PCDHA4: variants seen among roughly 807,000 people sequenced by gnomAD.
PCDHA4 encodes the protein protocadherin alpha 4, also known as protocadherin alpha-4.
Under a neutral mutation model 61.4 loss-of-function variants are expected in PCDHA4, and 49 were observed. The observed-to-expected ratio is 0.80, with a 90% CI of 0.63 to 1.01. The LOEUF is 1.01. Ranked by LOEUF, PCDHA4 falls within the 50% of genes least tolerant of loss-of-function variation. The probability of loss-of-function intolerance (pLI) is 0.00; values close to 1 mark genes in which losing one functional copy is unlikely to be tolerated. For synonymous variants in PCDHA4, 590 were observed against 550.3 expected (o/e 1.07, Z -1.01); for missense variants, 1,254 against 1,235.8 (o/e 1.01, Z -0.22).
Position 141,000,395 on chromosome 5 carries a change from C to CTA in PCDHA4, c.2534-9206_2534-9205dup, listed in dbSNP as rs1190667031. 1.6e-3 allele frequency among the ~76,000 whole-genome samples: 89 copies of CTA among 53,960 alleles called. 3 individuals carry two copies. Among genetic ancestry groups the CTA allele is most frequent in the Non-Finnish European group, 2.3e-3 (71 of 31,108 alleles). 35.4% of individuals were successfully genotyped at this position (53,960 alleles called of 152,430 possible). A position where few individuals can be genotyped will look rare whatever the true frequency, so the allele number is the denominator to read the frequency against. ...TCTCTCTCTCTCTCTCTCTCTCTCT[C>CTA]TATATATATATATATATATATATAT... On this transcript the variant is annotated intron_variant, in intron 3 of 3. Coordinates refer to ENST00000530339, the MANE Select transcript of PCDHA4 (RefSeq NM_018907.4).
Position 140,852,587 on chromosome 5 carries a change from T to TTA in PCDHA4, c.2385+43016_2385+43017insAT, listed in dbSNP as rs201827177. On this transcript the variant is annotated intron_variant, in intron 1 of 3. Coordinates refer to ENST00000530339, the MANE Select transcript of PCDHA4 (RefSeq NM_018907.4). ...CACTGTGCCAAGGCTTTTTTATTTTTTTTTTTTGTCATTTTCTTTCAAAAC... is the reference window on the plus strand; with the variant it reads ...CACTGTGCCAAGGCTTTTTTATTTTTTATTTTTTTGTCATTTTCTTTCAAAAC... The TTA allele has an allele frequency of 1.9e-3, 1,677 of 881,866 alleles. 105 individuals carry two copies. The African/African-American group carries it at 0.023, about 12-fold the overall frequency. 54.6% of individuals were successfully genotyped at this position (881,866 alleles called of 1,614,324 possible). A position where few individuals can be genotyped will look rare whatever the true frequency, so the allele number is the denominator to read the frequency against.
At chr5:140,884,501 G>T (rs2060219226) in intron 1 of PCDHA4, 2 of 1,614,146 alleles carry the variant, frequency 1.2e-6, no homozygotes, top group Non-Finnish European at 1.7e-6. Context: ...CTCCAGCGCG[G>T]CAGGGAGTTG....
chr5:140,981,687 A>T (rs1283182396), intron 2 of PCDHA4, among the ~76,000 whole-genome samples: 1 of 151,972 alleles, frequency 6.6e-6, no homozygotes, highest in Non-Finnish European at 1.5e-5. Flanking sequence ...CCTCCCTTCC[A>T]TCATTCATTC....
chr5:140,944,364 T>G (rs1264806074), intron 1 of PCDHA4, among the ~76,000 whole-genome samples: 1 of 152,072 alleles, frequency 6.6e-6, no homozygotes, highest in Non-Finnish European at 1.5e-5. Flanking sequence ...ATTTTTAATT[T>G]TTTATAGAGA....
rs538677309 is a variant in PCDHA4, at chr5:140,927,177, G to T, written c.2386-51772G>T. ...GCAGGGCCAAAGCTGCCTGCGTCTT[G>T]ACCTACGACCTGGTGCTCGAGGACC... On this transcript the variant is annotated intron_variant, in intron 1 of 3. Coordinates refer to ENST00000530339, the MANE Select transcript of PCDHA4 (RefSeq NM_018907.4). 78 of 1,614,148 alleles carry T rather than the reference G, an allele frequency of 4.8e-5. 3 individuals carry two copies. In the East Asian group the frequency reaches 6.7e-4, roughly 14 times the overall value.
chr5:140,921,732 A>G lies in PCDHA4; in HGVS notation c.2386-57217A>G, dbSNP rs1345229893. 2.0e-5 allele frequency among the ~76,000 whole-genome samples: 3 copies of G among 152,206 alleles called. No individual in the cohort carries two copies. In the East Asian group the frequency reaches 5.8e-4, roughly 29 times the overall value. ...AAACACACGAATTACTCCCATAAAA[A>G]TTATAAGCATAACAGGACACTTCTT... is the stretch of plus-strand genomic sequence containing the variant. On this transcript the variant is annotated intron_variant, in intron 1 of 3. Coordinates refer to ENST00000530339, the MANE Select transcript of PCDHA4 (RefSeq NM_018907.4).
At chr5:140,984,052 A>G (rs2097083396) in intron 3 of PCDHA4, among the ~76,000 whole-genome samples, 2 of 152,204 alleles carry the variant, frequency 1.3e-5, no homozygotes, top group African/African-American at 4.8e-5. Context: ...TCATTGACAA[A>G]TCTGTACCCT....
chr5:140,872,711 G>A (rs968537483), intron 1 of PCDHA4, among the ~76,000 whole-genome samples: 1 of 152,206 alleles, frequency 6.6e-6, no homozygotes, highest in South Asian at 2.1e-4. Context: ...AAGGAAACTA[G>A]GTAAATAAAA....
intron 1 of PCDHA4, among the ~76,000 whole-genome samples, chr5:140,894,069 T>C (rs1209752630): frequency 2.6e-5 from 4 of 152,196 alleles, no homozygotes; most frequent in African/African-American, 9.6e-5. Flanking sequence ...TTTAAATACA[T>C]TTATTTTATT....
In PCDHA4 at chr5:141,010,735, T is replaced by G. The variant is rs192374006; in HGVS notation, c.*798T>G. On this transcript the variant is annotated 3_prime_UTR_variant, in exon 4 of 4. Coordinates refer to ENST00000530339, the MANE Select transcript of PCDHA4 (RefSeq NM_018907.4). ...GTGCTCACTTTATTAAAAATTCTTT[T>G]GCACACAATGTTTATGAAAAGGCCA... The G allele has an allele frequency of 6.5e-6, 1 of 154,174 alleles. No individual in the cohort carries two copies. The highest frequency in any genetic ancestry group is 1.5e-5 in the Non-Finnish European group (1 of 68,224). 9.6% of individuals were successfully genotyped at this position (154,174 alleles called of 1,614,324 possible). A position where few individuals can be genotyped will look rare whatever the true frequency, so the allele number is the denominator to read the frequency against.
chr5:140,945,048 A>G (rs2093731802), intron 1 of PCDHA4, among the ~76,000 whole-genome samples: 1 of 152,182 alleles, frequency 6.6e-6, no homozygotes, highest in South Asian at 2.1e-4. Context: ...GGTCTTATAT[A>G]AAGAAAACCC....
rs2150273023 is a variant in PCDHA4, at chr5:140,837,088, T to C, written c.2385+27516T>C. On this transcript the variant is annotated intron_variant, in intron 1 of 3. Transcript: ENST00000530339. Reference sequence around the variant, plus strand: ...TGATAATCAATACCTATAAATGTTATAGTAAACAAATTTAATATATATGTT... The same window carrying C: ...TGATAATCAATACCTATAAATGTTACAGTAAACAAATTTAATATATATGTT... 8 of 165,626 alleles carry C rather than the reference T, an allele frequency of 4.8e-5. 1 individual carries two copies. Among genetic ancestry groups the C allele is most frequent in the Non-Finnish European group, 1.0e-4 (8 of 77,090 alleles). 10.3% of individuals were successfully genotyped at this position (165,626 alleles called of 1,614,324 possible).
intron 1 of PCDHA4, chr5:140,882,721 A>G: frequency 6.2e-7 from 1 of 1,614,170 alleles, no homozygotes; most frequent in East Asian, 2.2e-5. Context: ...CGGAAACTCG[A>G]TTTCCACTAG....
chr5:140,828,521 G>A, intron 1 of PCDHA4: 1 of 1,614,218 alleles, frequency 6.2e-7, no homozygotes, highest in Non-Finnish European at 8.5e-7. Context: ...GCTGATTTAC[G>A]AATCTAGGCT....
intron 1 of PCDHA4, among the ~76,000 whole-genome samples, chr5:140,919,795 A>T (rs1554199259): frequency 6.6e-6 from 1 of 152,070 alleles, no homozygotes; most frequent in Non-Finnish European, 1.5e-5. Flanking sequence ...CTTGTGGTGG[A>T]TTGAATTGTG....
chr5:140,857,187 C>A (rs202051639), intron 1 of PCDHA4: 1 of 1,598,516 alleles, frequency 6.3e-7, no homozygotes, highest in East Asian at 2.2e-5. Context: ...GATTCAGGAG[C>A]CAACGGACAG....
intron 1 of PCDHA4, among the ~76,000 whole-genome samples, chr5:140,900,463 C>T (rs1319110335): frequency 6.6e-6 from 1 of 152,130 alleles, no homozygotes; most frequent in African/African-American, 2.4e-5. Flanking sequence ...TTTTAGTAGA[C>T]ACGGAGTTTC....
chr5:140,893,662 A>T (rs1462433571), intron 1 of PCDHA4, among the ~76,000 whole-genome samples: 5 of 152,204 alleles, frequency 3.3e-5, no homozygotes, highest in African/African-American at 1.2e-4. Context: ...GTTTTAAAAA[A>T]TTTCAGCACT....
intron 1 of PCDHA4, chr5:140,810,851 C>T (rs548527323): frequency 6.6e-6 from 1 of 152,122 alleles, no homozygotes; most frequent in East Asian, 1.9e-4. Context: ...TTTGATTAAA[C>T]TCAATTTATC....
Sources: allele counts gnomAD v4.1 joint callset (sites outside exome capture counted in the v4.1 genomes callset), GRCh38; gene constraint gnomAD v4.1.1; transcripts MANE v1.5; gene names NCBI Gene and HGNC (gene_info 2026-07-23, HGNC 2026-07-21).